The following DAB1 variants were observed in gnomAD, a reference collection of about 807,000 sequenced individuals.
DAB1 encodes the protein disabled homolog 1.
DAB1 carries 15 observed loss-of-function variants against 64.6 expected under a neutral mutation model. The observed-to-expected ratio is 0.23, with a 90% CI of 0.16 to 0.36. DAB1 has a LOEUF of 0.36. DAB1 is among the 10% of genes least tolerant of loss of function. The pLI is 1.00. For synonymous variants in DAB1, 235 were observed against 251.9 expected (o/e 0.93, Z 0.64); for missense variants, 596 against 706.7 (o/e 0.84, Z 1.78).
rs58060707 is a variant in DAB1, at chr1:57,435,492, A to G, written n.626-144326T>C. 3.1e-3 allele frequency among the ~76,000 whole-genome samples: 475 copies of G among 152,224 alleles called. 2 individuals carry two copies. Among genetic ancestry groups the G allele is most frequent in the African/African-American group, 0.011 (446 of 41,540 alleles). On this transcript the variant is annotated intron_variant and non_coding_transcript_variant, in intron 7 of 20. Transcript: ENST00000485760. ...AAACACATTGTAAAGCTGTATAAAC[A>G]TTTTCCTTATCTTCTTAGTCTATAA...
intron 1 of DAB1, among the ~76,000 whole-genome samples, chr1:57,389,242 T>C (rs1027705903): frequency 2.0e-5 from 3 of 152,172 alleles, no homozygotes; most frequent in African/African-American, 4.8e-5. Flanking sequence ...CTTCACACCT[T>C]CTACTCCAGA....
At chr1:57,804,136 G>C (rs1229576434) in intron 6 of DAB1, among the ~76,000 whole-genome samples, 2 of 152,192 alleles carry the variant, frequency 1.3e-5, no homozygotes, top group African/African-American at 2.4e-5. Flanking sequence ...ATGTATTACA[G>C]ACATTCCCCC....
intron 6 of DAB1, among the ~76,000 whole-genome samples, chr1:57,732,548 T>C (rs1010535677): frequency 6.6e-6 from 1 of 152,202 alleles, no homozygotes; most frequent in Non-Finnish European, 1.5e-5. Flanking sequence ...TATGTTCCTT[T>C]GCTATTAAAT....
intron 7 of DAB1, among the ~76,000 whole-genome samples, chr1:57,469,370 A>G (rs559349781): frequency 6.6e-6 from 1 of 152,310 alleles, no homozygotes; most frequent in African/African-American, 2.4e-5. Flanking sequence ...GTCACATTTG[A>G]CCAGCAGGGG....
At chr1:58,209,797 A>G (rs1424972617) in intron 4 of DAB1, among the ~76,000 whole-genome samples, 2 of 152,218 alleles carry the variant, frequency 1.3e-5, no homozygotes, top group East Asian at 1.9e-4. Flanking sequence ...AAATACACTT[A>G]GGGACTATTT....
intron 1 of DAB1, among the ~76,000 whole-genome samples, chr1:57,843,522 G>C (rs1321730008): frequency 1.3e-5 from 2 of 152,180 alleles, no homozygotes; most frequent in Non-Finnish European, 2.9e-5. Flanking sequence ...TGGTCACAGA[G>C]TAGGGATTCA....
intron 5 of DAB1, among the ~76,000 whole-genome samples, chr1:58,060,570 G>A (rs1423991346): frequency 6.6e-6 from 1 of 152,192 alleles, no homozygotes; most frequent in Non-Finnish European, 1.5e-5. Flanking sequence ...CAGATGCCCA[G>A]GAGATCTTTT....
intron 4 of DAB1, among the ~76,000 whole-genome samples, chr1:58,255,997 A>G (rs946868135): frequency 1.3e-5 from 2 of 152,178 alleles, no homozygotes; most frequent in African/African-American, 2.4e-5. Flanking sequence ...TCTTGGCCCC[A>G]GTGCCTGCGC....
Position 57,346,750 on chromosome 1 carries a change from G to A in DAB1, c.-136-55584C>T, listed in dbSNP as rs1357970253. ...TTCACTAAAAGCTGAGGTTACAGCA[G>A]TGTACATGAACTGACCAATTTTCAG... On this transcript the variant is annotated intron_variant, in intron 1 of 14. Coordinates refer to ENST00000371236, the MANE Select transcript of DAB1 (RefSeq NM_001365792.1). 3.9e-5 allele frequency among the ~76,000 whole-genome samples: 6 copies of A among 152,308 alleles called. No individual in the cohort carries two copies. The South Asian group carries it at 1.2e-3, about 32-fold the overall frequency.
intron 7 of DAB1, among the ~76,000 whole-genome samples, chr1:57,467,000 A>G (rs967453860): frequency 2.0e-5 from 3 of 152,208 alleles, no homozygotes; most frequent in Non-Finnish European, 2.9e-5. Context: ...TTGACACATA[A>G]TGTGACATAA....
At chr1:57,303,429 C>T (rs1173034461) in intron 1 of DAB1, among the ~76,000 whole-genome samples, 1 of 152,152 alleles carries the variant, frequency 6.6e-6, no homozygotes, top group Non-Finnish European at 1.5e-5. Context: ...GCTGCCTGAC[C>T]AGCAGTCACA....
intron 7 of DAB1, among the ~76,000 whole-genome samples, chr1:57,643,164 T>TA (rs1226636979): frequency 4.6e-5 from 7 of 152,190 alleles, no homozygotes; most frequent in Admixed American, 6.5e-5. Context: ...ACCTGCCAAT[T>TA]ACGGAGATTT....
intron 4 of DAB1, among the ~76,000 whole-genome samples, chr1:57,076,987 A>G (rs1652050653): frequency 6.6e-6 from 1 of 152,228 alleles, no homozygotes; most frequent in South Asian, 2.1e-4. Context: ...AATCTCATAA[A>G]ACAGGTAGGC....
intron 7 of DAB1, among the ~76,000 whole-genome samples, chr1:57,586,183 T>G (rs1645378072): frequency 6.6e-6 from 1 of 152,146 alleles, no homozygotes; most frequent in Admixed American, 6.5e-5. Context: ...GCCTCTATGC[T>G]CAGAATAGTG....
chr1:57,698,994 A>G (rs1002359897), intron 6 of DAB1, among the ~76,000 whole-genome samples: 1 of 152,174 alleles, frequency 6.6e-6, no homozygotes, highest in African/African-American at 2.4e-5. Context: ...CTAGAGTGCA[A>G]TGGCATGATC....
intron 1 of DAB1, among the ~76,000 whole-genome samples, chr1:57,303,312 T>C (rs1337500141): frequency 3.3e-5 from 5 of 152,154 alleles, no homozygotes; most frequent in African/African-American, 1.2e-4. Context: ...GTCCGTCACA[T>C]GGCAAAGGAG....
chr1:57,691,757 G>A (rs1455587261), intron 6 of DAB1, among the ~76,000 whole-genome samples: 2 of 152,122 alleles, frequency 1.3e-5, no homozygotes, highest in Non-Finnish European at 2.9e-5. Context: ...CCCACTGGAA[G>A]GAATAAATTC....
rs527464589 is a variant in DAB1 at position 57,635,257 on chromosome 1, C to T, written n.625+14335G>A. On this transcript the variant is annotated intron_variant and non_coding_transcript_variant, in intron 7 of 20. Coordinates refer to the DAB1 transcript ENST00000485760. ...TAAATGAGGTAATAAGGGCAGTACT[C>T]TAATCCAGGGGTCCCCAAACCCCGG... is the stretch of plus-strand genomic sequence containing the variant. Among the ~76,000 whole-genome samples the T allele has an allele frequency of 2.6e-5, 4 of 152,308 alleles. No individual in the cohort carries two copies. In the South Asian group the frequency reaches 8.3e-4, roughly 32 times the overall value.
intron 3 of DAB1, among the ~76,000 whole-genome samples, chr1:58,440,192 C>T (rs1644992862): frequency 6.6e-6 from 1 of 152,226 alleles, no homozygotes. Flanking sequence ...ATGAGACAGA[C>T]TTTCATGCCG....
Sources: gnomAD v4.1 joint callset for allele counts (sites outside exome capture counted in the v4.1 genomes callset) on GRCh38, gnomAD v4.1.1 for gene constraint, MANE v1.5 for transcripts, NCBI Gene and HGNC (gene_info 2026-07-23, HGNC 2026-07-21) for gene names.